The following EPHA7 variants were observed in gnomAD, a reference collection of about 807,000 sequenced individuals.
EPHA7 encodes the protein ephrin type-A receptor 7.
EPHA7 carries 25 observed loss-of-function variants against 112.6 expected under a neutral mutation model. The ratio of observed to expected loss-of-function variants is 0.22; its 90% CI spans 0.16 to 0.31. The LOEUF is 0.31. EPHA7 is among the 10% of genes least tolerant of loss of function. The probability of loss-of-function intolerance (pLI) is 1.00; values close to 1 mark genes in which losing one functional copy is unlikely to be tolerated. For missense variants in EPHA7, 962 were observed against 1,212.6 expected, an observed-to-expected ratio of 0.79 and a Z score of 3.07; for synonymous variants, 437 against 406.5, an observed-to-expected ratio of 1.07 and a Z score of -0.90.
chr6:93,350,093 C>A (rs773946139), intron 5 of EPHA7, among the ~76,000 whole-genome samples: 3 of 151,978 alleles, frequency 2.0e-5, no homozygotes, highest in Non-Finnish European at 4.4e-5. Flanking sequence ...TTGAAAAACA[C>A]AGGAAAGTCG....
Position 93,336,692 on chromosome 6 carries a change from T to C in EPHA7, c.1324+20025A>G, listed in dbSNP as rs537439154. Among the ~76,000 whole-genome samples, 118 of 152,164 alleles carry C rather than the reference T, an allele frequency of 7.8e-4. 1 individual carries two copies. Among genetic ancestry groups the C allele is most frequent in the African/African-American group, 1.8e-3 (73 of 41,554 alleles). The stretch of plus-strand genomic sequence containing the variant: ...CTGGGATTACAGTCATGAGCCACCC[T>C]GCCCAGCTCCTTTTACCCTTTTAAG... On this transcript the variant is annotated intron_variant, in intron 5 of 16. Transcript: ENST00000369303.
intron 5 of EPHA7, among the ~76,000 whole-genome samples, chr6:93,318,908 A>C (rs1255122655): frequency 6.6e-6 from 1 of 152,138 alleles, no homozygotes; most frequent in East Asian, 1.9e-4. Flanking sequence ...CTGGCATTTC[A>C]ACCTCTGAAC....
At chr6:93,284,324 T>A (rs2450424) in intron 5 of EPHA7, among the ~76,000 whole-genome samples, 4,390 of 144,178 alleles carry the variant, frequency 0.03, 186 homozygotes, top group African/African-American at 0.1. Context: ...TCATTTATTT[T>A]TTTTTTTCAA....
At chr6:93,413,670 AAC>A (rs1779086196) in intron 2 of EPHA7, among the ~76,000 whole-genome samples, 1 of 151,970 alleles carries the variant, frequency 6.6e-6, no homozygotes, top group African/African-American at 2.4e-5. Flanking sequence ...CAATACAGAT[AAC>A]CACAATATGA....
rs927873297 is a variant in EPHA7, at chr6:93,259,334, G to A, written c.1924+20C>T. On this transcript the variant is annotated intron_variant, in intron 10 of 16. Coordinates refer to ENST00000369303, the MANE Select transcript of EPHA7 (RefSeq NM_004440.4). ...TTGGCTAAATGGAACAGCTGAACGA[G>A]GAAGCTACAATAGCCTTACCTGCAC... 14 of 1,609,882 alleles carry A rather than the reference G, an allele frequency of 8.7e-6. No individual in the cohort carries two copies. The African/African-American group carries it at 1.6e-4, about 18-fold the overall frequency.
intron 16 of EPHA7, among the ~76,000 whole-genome samples, chr6:93,244,820 G>A (rs1393866558): frequency 1.3e-5 from 2 of 152,114 alleles, no homozygotes; most frequent in Admixed American, 6.6e-5. Context: ...TCAGCATTGA[G>A]TATAAAGTTT....
At chr6:93,368,241 G>GT (rs917866937) in intron 3 of EPHA7, among the ~76,000 whole-genome samples, 6 of 152,056 alleles carry the variant, frequency 3.9e-5, no homozygotes, top group Admixed American at 1.3e-4. Context: ...ACCTTAACTT[G>GT]TATCTTTTAC....
chr6:93,404,657 GGA>G (rs144557748), intron 3 of EPHA7, among the ~76,000 whole-genome samples: 10 of 147,662 alleles, frequency 6.8e-5, no homozygotes, highest in South Asian at 2.1e-4. Flanking sequence ...TTAGAGAGAG[GGA>G]GAGAGAGAGA....
intron 5 of EPHA7, among the ~76,000 whole-genome samples, chr6:93,330,527 G>A (rs1385884292): frequency 1.3e-5 from 2 of 151,194 alleles, no homozygotes; most frequent in African/African-American, 2.4e-5. Flanking sequence ...GTGAGAACAT[G>A]TAGTAGTATT....
rs551807522 is a variant in EPHA7 at position 93,265,640 on chromosome 6, T to C, written c.1634-938A>G. On this transcript the variant is annotated intron_variant, in intron 7 of 16. Transcript: ENST00000369303. ...ACTTTATAAAATCATCAAGGACATA[T>C]GAAACAATGAAAATGAATATTCCAA... Among the ~76,000 whole-genome samples the C allele has an allele frequency of 4.0e-5, 6 of 151,806 alleles. No homozygotes were observed. The East Asian group carries it at 1.2e-3, about 30-fold the overall frequency.
chr6:93,358,299 C>T lies in EPHA7; in HGVS notation c.945G>A (p.Gly315=). ...GTGGGTCAGATGGAGCCCTGTAATA[C>T]CCATCTTCACATTCACATCTGGAGG... ...EGSSRCECED[G]YYRAPSDPPY... Residue 315 remains glycine (G), a synonymous_variant, in exon 4 of 17, where the codon GGG becomes GGA. Coordinates refer to ENST00000369303, the MANE Select transcript of EPHA7 (RefSeq NM_004440.4). The T allele has an allele frequency of 1.2e-6, 2 of 1,613,442 alleles. No homozygotes were observed. Among genetic ancestry groups the T allele is most frequent in the Non-Finnish European group, 1.7e-6 (2 of 1,179,646 alleles).
chr6:93,257,627 G>T, intron 11 of EPHA7, 104 bp from the exon 12 acceptor site: 1 of 718,732 alleles, frequency 1.4e-6, no homozygotes, highest in Non-Finnish European at 2.3e-6. Context: ...GAAAGAGTGA[G>T]TGTGAGAAGT....
intron 5 of EPHA7, among the ~76,000 whole-genome samples, chr6:93,315,390 A>G (rs547770583): frequency 6.6e-6 from 1 of 152,310 alleles, no homozygotes; most frequent in South Asian, 2.1e-4. Flanking sequence ...GAGTATAATT[A>G]TAAGAATATG....
At chr6:93,257,588 TC>T in intron 11 of EPHA7, 65 bp from the exon 12 acceptor site, 1 of 1,042,436 alleles carries the variant, frequency 9.6e-7, no homozygotes, top group Non-Finnish European at 1.4e-6. Flanking sequence ...TCCTTTCTCA[TC>T]CCCCAATAAA....
At chr6:93,367,698 C>T (rs1269671289) in intron 3 of EPHA7, among the ~76,000 whole-genome samples, 8 of 152,000 alleles carry the variant, frequency 5.3e-5, no homozygotes. Context: ...TGCTCAAGTT[C>T]TGAGTCCAGT....
intron 15 of EPHA7, among the ~76,000 whole-genome samples, chr6:93,246,378 T>C (rs905365620): frequency 2.6e-5 from 4 of 152,056 alleles, no homozygotes; most frequent in Admixed American, 2.0e-4. Flanking sequence ...TTTAACATCA[T>C]TGAATCATTT....
intron 5 of EPHA7, among the ~76,000 whole-genome samples, chr6:93,309,229 G>A (rs747037170): frequency 2.0e-4 from 30 of 152,318 alleles, no homozygotes; most frequent in Admixed American, 4.6e-4. Context: ...GATTGCAGGC[G>A]TGAGCCACCG....
chr6:93,406,871 T>A (rs1477356466), intron 3 of EPHA7, among the ~76,000 whole-genome samples: 3 of 151,950 alleles, frequency 2.0e-5, no homozygotes, highest in Admixed American at 2.0e-4. Context: ...ACAGGATCTC[T>A]CAATTTTTAA....
At chr6:93,390,455 A>G (rs1278117494) in intron 3 of EPHA7, among the ~76,000 whole-genome samples, 1 of 151,756 alleles carries the variant, frequency 6.6e-6, no homozygotes, top group Non-Finnish European at 1.5e-5. Context: ...TGGATTTTAA[A>G]TATGGCATTG....
Sources: gnomAD v4.1 joint callset for allele counts (sites outside exome capture counted in the v4.1 genomes callset) on GRCh38, gnomAD v4.1.1 for gene constraint, MANE v1.5 for transcripts, NCBI Gene and HGNC (gene_info 2026-07-23, HGNC 2026-07-21) for gene names.